The following EXOC1L variants were observed in gnomAD, a reference collection of about 807,000 sequenced individuals.
EXOC1L encodes exocyst complex component 1 like.
EXOC1L carries 10 observed loss-of-function variants against 4.9 expected under a neutral mutation model. That is an observed-to-expected ratio of 2.02 (90% CI 1.25 to 3.43). The LOEUF (loss-of-function observed/expected upper bound fraction) is 3.43, where lower values mean the gene tolerates loss of function less well. Ranked by LOEUF, EXOC1L falls within the 30% of genes most tolerant of loss-of-function variation. The pLI, the probability that EXOC1L is intolerant of heterozygous loss-of-function variation, is 0.00. For missense variants in EXOC1L, 114 were observed against 59.4 expected, an observed-to-expected ratio of 1.92 and a Z score of -3.02; for synonymous variants, 41 against 20.8, an observed-to-expected ratio of 1.97 and a Z score of -2.63.
At chr4:55,828,007 A>T (rs1242019712) in intron 1 of EXOC1L, among the ~76,000 whole-genome samples, 1 of 152,162 alleles carries the variant, frequency 6.6e-6, no homozygotes, top group Non-Finnish European at 1.5e-5. Context: ...TGTCAGAGGG[A>T]TCACAGACTC....
chr4:55,830,995 A>G (rs558540888), intron 1 of EXOC1L, among the ~76,000 whole-genome samples: 1 of 152,198 alleles, frequency 6.6e-6, no homozygotes, highest in African/African-American at 2.4e-5. Flanking sequence ...CACTGACTGT[A>G]TGCTAAGGCT....
Position 55,820,588 on chromosome 4 carries a change from C to T in EXOC1L, c.121+441C>T, listed in dbSNP as rs115450691. On this transcript the variant is annotated intron_variant, in intron 1 of 2. Transcript: ENST00000636125. ...GAACACTGGCATTCTCCCTTTTCAT[C>T]CTAGGAAAAAAACAAAGCCTTAGAT... Among the ~76,000 whole-genome samples the T allele has an allele frequency of 6.1e-3, 926 of 152,218 alleles. 9 individuals carry two copies. The highest frequency in any genetic ancestry group is 0.021 in the African/African-American group (879 of 41,562).
chr4:55,830,574 T>C (rs113816911), intron 1 of EXOC1L, among the ~76,000 whole-genome samples: 11,828 of 152,082 alleles, frequency 0.078, 519 homozygotes, highest in African/African-American at 0.087. Flanking sequence ...GCTCAAATAT[T>C]GATTCTTCTG....
At chr4:55,829,340 G>A (rs555573880) in intron 1 of EXOC1L, among the ~76,000 whole-genome samples, 3 of 152,256 alleles carry the variant, frequency 2.0e-5, no homozygotes, top group South Asian at 2.1e-4. Context: ...AGAAAAGTGA[G>A]GTTTAATCTC....
intron 1 of EXOC1L, among the ~76,000 whole-genome samples, chr4:55,825,934 A>T (rs1024396423): frequency 2.2e-4 from 33 of 151,896 alleles, no homozygotes; most frequent in Non-Finnish European, 1.5e-4. Context: ...AAAATACAAA[A>T]ATTAGCTGGG....
At chr4:55,827,561 A>AGTGGAATTTG (rs1387303981) in intron 1 of EXOC1L, among the ~76,000 whole-genome samples, 1 of 152,180 alleles carries the variant, frequency 6.6e-6, no homozygotes, top group Non-Finnish European at 1.5e-5. Context: ...CAAAAAGGGC[A>AGTGGAATTTG]CTCGAATATT....
chr4:55,829,930 G>A (rs893190735), intron 1 of EXOC1L, among the ~76,000 whole-genome samples: 2 of 152,114 alleles, frequency 1.3e-5, no homozygotes, highest in African/African-American at 2.4e-5. Context: ...CTGCCCACAT[G>A]TCTTAACATC....
Position 55,831,345 on chromosome 4 carries a change from G to A in EXOC1L, c.133G>A (p.Glu45Lys), listed in dbSNP as rs1484495068. ...TTTCTGTCCTACAGTGACCAAAAAG[G>A]AAGAAGTAAAAATAGTCATGGTGAA... Reference protein sequence around the residue: ...YYLCVSVTKKEEVKIVMVKHY... With the variant: ...YYLCVSVTKKKEVKIVMVKHY... Residue 45 changes from glutamate (E) to lysine (K), a missense_variant, in exon 2 of 3, where the codon GAA becomes AAA. Glu to Lys is a moderately conservative substitution (Grantham distance 56, BLOSUM62 1). Transcript: ENST00000636125. 7.7e-6 allele frequency: 5 copies of A among 651,946 alleles called. No individual in the cohort carries two copies. The highest frequency in any genetic ancestry group is 1.4e-5 in the Non-Finnish European group (5 of 364,804). The allele number at this position is 651,946 out of a possible 1,614,324, so 40.4% of individuals were successfully genotyped here.
At chr4:55,824,495 T>G (rs1484303673) in intron 1 of EXOC1L, among the ~76,000 whole-genome samples, 1 of 152,128 alleles carries the variant, frequency 6.6e-6, no homozygotes, top group Non-Finnish European at 1.5e-5. Flanking sequence ...CCTGAGTAGC[T>G]GGGACTACAG....
At chr4:55,830,975 A>G (rs1454446039) in intron 1 of EXOC1L, among the ~76,000 whole-genome samples, 6 of 152,210 alleles carry the variant, frequency 3.9e-5, no homozygotes, top group Non-Finnish European at 7.4e-5. Flanking sequence ...GTGTTCTGAT[A>G]AACACTTGGC....
intron 1 of EXOC1L, among the ~76,000 whole-genome samples, chr4:55,820,557 C>T (rs963922638): frequency 6.6e-6 from 1 of 152,174 alleles, no homozygotes; most frequent in African/African-American, 2.4e-5. Context: ...ATTTGCAACT[C>T]GTCTGGAACA....
chr4:55,823,588 G>C (rs762302717), intron 1 of EXOC1L, among the ~76,000 whole-genome samples: 2 of 152,128 alleles, frequency 1.3e-5, no homozygotes, highest in African/African-American at 2.4e-5. Flanking sequence ...CAATTATGCA[G>C]GCCAAAATAT....
intron 1 of EXOC1L, among the ~76,000 whole-genome samples, chr4:55,826,783 G>A (rs779867278): frequency 3.9e-5 from 6 of 152,230 alleles, no homozygotes; most frequent in Non-Finnish European, 8.8e-5. Flanking sequence ...TTGACTCCAG[G>A]CTAAGTAGAC....
chr4:55,825,928 TA>T (rs751205393), intron 1 of EXOC1L, among the ~76,000 whole-genome samples: 2 of 151,568 alleles, frequency 1.3e-5, no homozygotes, highest in Non-Finnish European at 2.9e-5. Context: ...CTACTAAAAA[TA>T]CAAAAATTAG....
chr4:55,820,284 C>T (rs1719706153), intron 1 of EXOC1L, 137 bp downstream of exon 1: 1 of 388,278 alleles, frequency 2.6e-6, no homozygotes, highest in Admixed American at 4.5e-5. Context: ...TTAACTATGC[C>T]AGGTTTAAGA....
intron 2 of EXOC1L, 130 bp from the exon 3 acceptor site, chr4:55,836,955 A>C (rs1383018310): frequency 2.1e-6 from 1 of 473,458 alleles, no homozygotes; most frequent in South Asian, 4.6e-5. Flanking sequence ...GCCCATTTGT[A>C]GATTTTAGAA....
chr4:55,826,049 C>T (rs545618084), intron 1 of EXOC1L, among the ~76,000 whole-genome samples: 99 of 142,900 alleles, frequency 6.9e-4, no homozygotes, highest in Non-Finnish European at 1.2e-3. Flanking sequence ...TGTGCTGTTG[C>T]ACTCCAGCCT....
chr4:55,825,046 T>G (rs1469897423), intron 1 of EXOC1L, among the ~76,000 whole-genome samples: 1 of 152,172 alleles, frequency 6.6e-6, no homozygotes, highest in Non-Finnish European at 1.5e-5. Flanking sequence ...GTATTTAAAA[T>G]TTTTCATTAT....
rs562582565 is a variant in EXOC1L, at chr4:55,827,242, C to A, written c.122-4092C>A. 2.4e-4 allele frequency among the ~76,000 whole-genome samples: 36 copies of A among 152,290 alleles called. No homozygotes were observed. In the South Asian group the frequency reaches 7.3e-3, roughly 31 times the overall value. On this transcript the variant is annotated intron_variant, in intron 1 of 2. Transcript: ENST00000636125. ...CAGCAATACCAGATGCTTTTAATGA[C>A]TTAAAAGTGTCAAGTATTTCATGCC...
Sources: gnomAD v4.1 joint callset for allele counts (sites outside exome capture counted in the v4.1 genomes callset) on GRCh38, gnomAD v4.1.1 for gene constraint, MANE v1.5 for transcripts, NCBI Gene and HGNC (gene_info 2026-07-23, HGNC 2026-07-21) for gene names.